SLC7A2: variants seen among roughly 807,000 people sequenced by gnomAD.
The protein encoded by SLC7A2 is cationic amino acid transporter 2.
In SLC7A2, 48 loss-of-function variants were observed where a neutral mutation model predicts 58.9. The ratio of observed to expected loss-of-function variants is 0.82; its 90% confidence interval spans 0.65 to 1.04. The LOEUF (loss-of-function observed/expected upper bound fraction) is 1.04, where lower values mean the gene tolerates loss of function less well. Ranked by LOEUF, SLC7A2 falls within the 50% of genes least tolerant of loss-of-function variation. The pLI is 0.00. For missense variants in SLC7A2, 1,029 were observed against 818.8 expected (o/e 1.26, Z -3.13); for synonymous variants, 363 against 314.5 (o/e 1.15, Z -1.63).
chr8:17,505,512 C>T (rs531070264), intron 2 of SLC7A2, among the ~76,000 whole-genome samples: 1 of 152,262 alleles, frequency 6.6e-6, no homozygotes, highest in East Asian at 1.9e-4. Flanking sequence ...TCCCTGGCCT[C>T]AAGGGTATAC....
At chr8:17,540,678 T>C (rs933173708) in intron 2 of SLC7A2, among the ~76,000 whole-genome samples, 3 of 152,306 alleles carry the variant, frequency 2.0e-5, no homozygotes, top group Non-Finnish European at 4.4e-5. Context: ...AGCTTAATAA[T>C]AAAAGCTTTT....
chr8:17,527,519 G>A (rs1477042321), intron 2 of SLC7A2, among the ~76,000 whole-genome samples: 1 of 152,182 alleles, frequency 6.6e-6, no homozygotes, highest in African/African-American at 2.4e-5. Flanking sequence ...CAAATAGTTT[G>A]TCTTACAGTT....
chr8:17,513,132 C>T (rs190579658), intron 2 of SLC7A2, among the ~76,000 whole-genome samples: 24 of 152,324 alleles, frequency 1.6e-4, no homozygotes, highest in Non-Finnish European at 3.2e-4. Flanking sequence ...GTGCAAATAT[C>T]TCTTCAAGAC....
intron 2 of SLC7A2, among the ~76,000 whole-genome samples, chr8:17,527,806 C>T (rs1032235868): frequency 6.6e-6 from 1 of 152,172 alleles, no homozygotes; most frequent in African/African-American, 2.4e-5. Flanking sequence ...ACCCTGTTTC[C>T]CAGTAAGGTC....
chr8:17,500,514 A>T (rs1479625888), intron 1 of SLC7A2: 2 of 152,250 alleles, frequency 1.3e-5, no homozygotes, highest in African/African-American at 4.8e-5. Context: ...CTCTACTAAA[A>T]ATATAAAAAT....
chr8:17,548,050 G>A (rs972426654), intron 4 of SLC7A2, among the ~76,000 whole-genome samples: 7 of 152,088 alleles, frequency 4.6e-5, no homozygotes, highest in Admixed American at 3.3e-4. Flanking sequence ...TTAAAAGTTC[G>A]CAACTGGGCC....
chr8:17,544,378 A>G (rs1262447268), intron 3 of SLC7A2, 73 bp from the exon 4 acceptor site: 4 of 1,332,980 alleles, frequency 3.0e-6, no homozygotes, highest in South Asian at 2.6e-5. Flanking sequence ...TGTTTATCCT[A>G]TAATAGAGTA....
chr8:17,512,319 G>A (rs67218051), intron 2 of SLC7A2, among the ~76,000 whole-genome samples: 76,275 of 151,882 alleles, frequency 0.5, 20,941 homozygotes, highest in Non-Finnish European at 0.61. Flanking sequence ...GGCCAAGGAG[G>A]GTGGATCACC....
At chr8:17,495,996 A>G (rs1368818575), upstream of SLC7A2, among the ~76,000 whole-genome samples, 2 of 152,266 alleles carry the variant, frequency 1.3e-5, no homozygotes, top group Non-Finnish European at 2.9e-5. Context: ...ATGATTTAGA[A>G]TATCACATTA....
chr8:17,520,249 G>A (rs901712169), intron 2 of SLC7A2, among the ~76,000 whole-genome samples: 1 of 152,088 alleles, frequency 6.6e-6, no homozygotes, highest in Admixed American at 6.6e-5. Flanking sequence ...TATATTTTAA[G>A]ACAGTTATCT....
intron 4 of SLC7A2, among the ~76,000 whole-genome samples, chr8:17,545,821 C>T (rs1318451174): frequency 6.6e-6 from 1 of 152,166 alleles, no homozygotes; most frequent in African/African-American, 2.4e-5. Context: ...CAGTCTGCCT[C>T]ATGCTTTCTT....
chr8:17,532,928 A>G (rs1012456693), intron 2 of SLC7A2, among the ~76,000 whole-genome samples: 1 of 151,872 alleles, frequency 6.6e-6, no homozygotes, highest in Non-Finnish European at 1.5e-5. Context: ...AACTTAAACT[A>G]TAACTTACTT....
intron 2 of SLC7A2, among the ~76,000 whole-genome samples, chr8:17,539,157 A>T (rs1050493255): frequency 2.0e-5 from 3 of 152,158 alleles, no homozygotes; most frequent in Admixed American, 2.0e-4. Context: ...AGGGTTAGGG[A>T]TTTACTAGAC....
At chr8:17,543,212 ACACAAAC>A in intron 2 of SLC7A2, 99 bp from the exon 3 acceptor site, 4 of 993,746 alleles carry the variant, frequency 4.0e-6, no homozygotes, top group Admixed American at 2.5e-5. Context: ...ACACACACAC[ACACAAAC>A]ACACACACAC....
In SLC7A2 at chr8:17,559,522, C is replaced by T. The variant is rs146953659; in HGVS notation, c.1299-806C>T. Among the ~76,000 whole-genome samples, 788 of 152,094 alleles carry T rather than the reference C, an allele frequency of 5.2e-3. 6 individuals are homozygous for T. The highest frequency in any genetic ancestry group is 0.017 in the African/African-American group (713 of 41,484). On this transcript the variant is annotated intron_variant, in intron 9 of 12. Coordinates refer to ENST00000494857, the MANE Select transcript of SLC7A2 (RefSeq NM_001370338.1). The stretch of plus-strand genomic sequence containing the variant: ...CAGAGGTTGCAGTGAGCTGAGATCA[C>T]GCCACTGGACTCCAGCCTGGGCAAC...
At chr8:17,557,493 T>G (rs1245286521) in intron 8 of SLC7A2, among the ~76,000 whole-genome samples, 1 of 152,214 alleles carries the variant, frequency 6.6e-6, no homozygotes, top group African/African-American at 2.4e-5. Context: ...AAACATAATT[T>G]AATTGAAAGT....
At chr8:17,523,605 A>T (rs554897738) in intron 2 of SLC7A2, among the ~76,000 whole-genome samples, 1 of 152,290 alleles carries the variant, frequency 6.6e-6, no homozygotes, top group African/African-American at 2.4e-5. Flanking sequence ...CTTATACAAA[A>T]ATTAGCTCAA....
At position 17,563,717 on chromosome 8, in the gene SLC7A2, T is replaced by C. The variant is rs898203594; in HGVS notation, c.1780+6T>C. ...CAGCATTTGGATGGCAATTGGTAGG[T>C]CTTTTAATGTCGGGTTCTCTTTCCT... On this transcript the variant is annotated splice_donor_region_variant and intron_variant, in intron 12 of 12. Coordinates refer to ENST00000494857, the MANE Select transcript of SLC7A2 (RefSeq NM_001370338.1). 2 of 1,487,016 alleles carry C rather than the reference T, an allele frequency of 1.3e-6. No individual in the cohort carries two copies. Among genetic ancestry groups the C allele is most frequent in the Admixed American group, 1.7e-5 (1 of 59,336 alleles). 92.1% of individuals were successfully genotyped at this position (1,487,016 alleles called of 1,614,324 possible).
chr8:17,536,061 C>A (rs1309866644), intron 2 of SLC7A2, among the ~76,000 whole-genome samples: 2 of 151,054 alleles, frequency 1.3e-5, no homozygotes, highest in South Asian at 4.2e-4. Context: ...TCCTCCATTA[C>A]ATGAATTATC....
Sources: gnomAD v4.1 joint callset for allele counts (sites outside exome capture counted in the v4.1 genomes callset) on GRCh38, gnomAD v4.1.1 for gene constraint, MANE v1.5 for transcripts, NCBI Gene and HGNC (gene_info 2026-07-23, HGNC 2026-07-21) for gene names.